The following IL7R variants were observed in gnomAD, a reference collection of about 807,000 sequenced individuals.
IL7R encodes the protein interleukin-7 receptor subunit alpha.
Under a neutral mutation model 47.0 loss-of-function variants are expected in IL7R, and 38 were observed. That is an observed-to-expected ratio of 0.81 (90% CI 0.62 to 1.06). IL7R has a LOEUF of 1.06. IL7R is among the 50% of genes least tolerant of loss of function. The pLI, the probability that IL7R is intolerant of heterozygous loss-of-function variation, is 0.00. For missense variants in IL7R, 633 were observed against 534.8 expected (o/e 1.18, Z -1.81); for synonymous variants, 221 against 199.8 (o/e 1.11, Z -0.89).
rs1421336807 is a variant in IL7R at position 35,876,012 on chromosome 5, T to A, written c.906T>A (p.Ser302Arg). 3.7e-6 allele frequency: 6 copies of A among 1,613,704 alleles called. No homozygotes were observed. The highest frequency in any genetic ancestry group is 5.1e-6 in the Non-Finnish European group (6 of 1,180,034). Residue 302 changes from serine (S) to arginine (R), a missense_variant, in exon 8 of 8, where the codon AGT becomes AGA. Physicochemically the swap from Ser to Arg is moderately radical, Grantham distance 110 (BLOSUM62 -1). Coordinates refer to ENST00000303115, the MANE Select transcript of IL7R (RefSeq NM_002185.5). Reference sequence around the variant, plus strand: ...TAAATGTGAGTTTCAATCCTGAAAGTTTCCTGGACTGCCAGATTCATAGGG... The same window carrying A: ...TAAATGTGAGTTTCAATCCTGAAAGATTCCTGGACTGCCAGATTCATAGGG... Reference protein sequence around the residue: ...KNLNVSFNPESFLDCQIHRVD... With the variant: ...KNLNVSFNPERFLDCQIHRVD...
At chr5:35,875,723 C>A in intron 7 of IL7R, 136 bp downstream of exon 7, 1 of 811,748 alleles carries the variant, frequency 1.2e-6, no homozygotes, top group Non-Finnish European at 2.1e-6. Context: ...CCTCCTAAGA[C>A]CCTAGCTGCA....
At position 35,873,211 on chromosome 5, in the gene IL7R, G is replaced by A. The variant is rs149279859; in HGVS notation, c.538-269G>A. ...GAAGAAGATATTGAAGTGTGGAAAG[G>A]GAGATCCTGGGCAGTGCCTAACTCA... On this transcript the variant is annotated intron_variant, in intron 4 of 7. Transcript: ENST00000303115. The A allele has an allele frequency of 2.9e-4, 141 of 488,708 alleles. 1 individual carries two copies. The East Asian group carries it at 5.0e-3, about 17-fold the overall frequency. 30.3% of individuals were successfully genotyped at this position (488,708 alleles called of 1,614,324 possible).
At chr5:35,857,516 A>G (rs564107612) in intron 1 of IL7R, among the ~76,000 whole-genome samples, 1 of 152,202 alleles carries the variant, frequency 6.6e-6, no homozygotes, top group Non-Finnish European at 1.5e-5. Context: ...GACCAGTGCT[A>G]TATCCTCAGC....
chr5:35,867,743 T>C, intron 3 of IL7R: 1 of 598,116 alleles, frequency 1.7e-6, no homozygotes. Context: ...CTGTCATCCA[T>C]CACAGGTGTC....
chr5:35,860,995 G>A lies in IL7R; in HGVS notation c.221+5G>A. 4 of 1,613,230 alleles carry A rather than the reference G, an allele frequency of 2.5e-6. No homozygotes were observed. The highest frequency in any genetic ancestry group is 3.4e-6 in the Non-Finnish European group (4 of 1,179,296). Reference sequence around the variant, plus strand: ...CAATCTGGAATTTGAAATATGGTGAGGGATGGTGGTTTTAATGGTTGCTTA... The same window carrying A: ...CAATCTGGAATTTGAAATATGGTGAAGGATGGTGGTTTTAATGGTTGCTTA... On this transcript the variant is annotated splice_donor_5th_base_variant and intron_variant, in intron 2 of 7. Transcript: ENST00000303115.
rs1420741889 is a variant in IL7R at position 35,868,033 on chromosome 5, G to A, written c.379+570G>A. ...GCAATCGCAAAAATCCATAAGGCAA[G>A]CCAGTAGGCTAGAAATTCAGGAAAG... is the stretch of plus-strand genomic sequence containing the variant. On this transcript the variant is annotated intron_variant, in intron 3 of 7. Coordinates refer to ENST00000303115, the MANE Select transcript of IL7R (RefSeq NM_002185.5). Among the ~76,000 whole-genome samples the A allele has an allele frequency of 3.3e-5, 5 of 152,262 alleles. No homozygotes were observed. In the South Asian group the frequency reaches 1.0e-3, roughly 32 times the overall value.
chr5:35,876,297 G>A lies in IL7R; in HGVS notation c.1191G>A (p.Gly397=), dbSNP rs1760214266. 2 of 1,613,840 alleles carry A rather than the reference G, an allele frequency of 1.2e-6. No individual in the cohort carries two copies. The highest frequency in any genetic ancestry group is 1.7e-6 in the Non-Finnish European group (2 of 1,179,928). ...ACTGCAGGGAGAGTGGCAAGAATGG[G>A]CCTCATGTGTACCAGGACCTCCTGC... ...SLDCRESGKN[G]PHVYQDLLLS... is the part of the protein sequence containing the mutation. The change falls in exon 8 of 8, where the codon GGG becomes GGA. Residue 397 remains glycine (G), a synonymous_variant. Transcript: ENST00000303115.
intron 2 of IL7R, among the ~76,000 whole-genome samples, chr5:35,862,902 C>G (rs1171407906): frequency 6.6e-6 from 1 of 152,056 alleles, no homozygotes; most frequent in Non-Finnish European, 1.5e-5. Context: ...GACCCCGCTC[C>G]CAGTCTCCCC....
chr5:35,871,083 G>A lies in IL7R; in HGVS notation c.407G>A (p.Ser136Asn), dbSNP rs201012821. The A allele has an allele frequency of 1.2e-6, 2 of 1,612,774 alleles. No homozygotes were observed. Among genetic ancestry groups the A allele is most frequent in the Non-Finnish European group, 1.7e-6 (2 of 1,178,940 alleles). Residue 136 changes from serine to asparagine, a missense_variant, in exon 4 of 8, where the codon AGT (serine) becomes AAT (asparagine). Transcript: ENST00000303115. ...AAACCTGAGGCTCCTTTTGACCTGA[G>A]TGTCGTCTATCGGGAAGGAGCCAAT... ...IVKPEAPFDLSVVYREGANDF... is the reference protein window; with the variant it reads ...IVKPEAPFDLNVVYREGANDF...
chr5:35,877,696 T>G lies in IL7R; in HGVS notation c.*1210T>G, dbSNP rs1025668042. ...TCAGGGAGAAAGAGTTACAAGTACA[T>G]GCAATGAGTGAACTGACTGTGGCTA... On this transcript the variant is annotated 3_prime_UTR_variant, in exon 8 of 8. Transcript: ENST00000303115. The G allele has an allele frequency of 6.4e-5, 15 of 233,170 alleles. No individual in the cohort carries two copies. The highest frequency in any genetic ancestry group is 1.0e-4 in the Non-Finnish European group (12 of 118,050). The allele number at this position is 233,170 out of a possible 1,614,324, so 14.4% of individuals were successfully genotyped here. A position where few individuals can be genotyped will look rare whatever the true frequency, so the allele number is the denominator to read the frequency against.
At chr5:35,866,665 A>C (rs1250569029) in intron 2 of IL7R, among the ~76,000 whole-genome samples, 1 of 152,152 alleles carries the variant, frequency 6.6e-6, no homozygotes, top group Non-Finnish European at 1.5e-5. Context: ...CATTACATCT[A>C]AGTTATTATA....
In IL7R at chr5:35,874,505, C is replaced by G. The variant is rs1342028323; in HGVS notation, c.763C>G (p.Leu255Val). 2.5e-6 allele frequency: 4 copies of G among 1,613,644 alleles called. No individual in the cohort carries two copies. The highest frequency in any genetic ancestry group is 2.5e-6 in the Non-Finnish European group (3 of 1,179,592). The change falls in exon 6 of 8, where the codon CTG (leucine) becomes GTG (valine). Residue 255 changes from leucine to valine, a missense_variant. Physicochemically the swap from Leu to Val is conservative, Grantham distance 32 (BLOSUM62 1). Coordinates refer to ENST00000303115, the MANE Select transcript of IL7R (RefSeq NM_002185.5). ...CATTTTGAGTTTTTTCTCTGTCGCT[C>G]TGTTGGTCATCTTGGCCTGTGTGTT... ...ISILSFFSVALLVILACVLWK... is the reference protein window; with the variant it reads ...ISILSFFSVAVLVILACVLWK...
intron 4 of IL7R, among the ~76,000 whole-genome samples, chr5:35,872,088 T>A (rs11567754): frequency 0.13 from 19,965 of 152,186 alleles, 1,329 homozygotes; most frequent in East Asian, 0.14. Context: ...CTTTCATTAT[T>A]CATCTGAAAA....
Position 35,877,038 on chromosome 5 carries a change from G to A in IL7R, c.*552G>A, listed in dbSNP as rs148253481. Reference sequence around the variant, plus strand: ...CCAAGTTGTTCACACAGTGAAGGGAGGGGCCAAGATATGATGGCTGGGAGT... The same window carrying A: ...CCAAGTTGTTCACACAGTGAAGGGAAGGGCCAAGATATGATGGCTGGGAGT... On this transcript the variant is annotated 3_prime_UTR_variant, in exon 8 of 8. Coordinates refer to ENST00000303115, the MANE Select transcript of IL7R (RefSeq NM_002185.5). The A allele has an allele frequency of 4.8e-4, 115 of 238,916 alleles. No individual in the cohort carries two copies. In the East Asian group the frequency reaches 6.3e-3, roughly 13 times the overall value. The allele number at this position is 238,916 out of a possible 1,614,324, so 14.8% of individuals were successfully genotyped here.
chr5:35,862,077 A>G (rs561483021), intron 2 of IL7R, among the ~76,000 whole-genome samples: 9 of 152,220 alleles, frequency 5.9e-5, no homozygotes, highest in African/African-American at 1.9e-4. Flanking sequence ...CCTTAGATAA[A>G]CATGCTGTTG....
intron 1 of IL7R, among the ~76,000 whole-genome samples, chr5:35,860,181 A>T (rs544984008): frequency 2.0e-4 from 31 of 152,302 alleles, no homozygotes; most frequent in Admixed American, 1.1e-3. Context: ...CAACATTCAC[A>T]GGAAGTTTCA....
Position 35,863,179 on chromosome 5 carries a change from C to T in IL7R, c.221+2189C>T, listed in dbSNP as rs140219976. Among the ~76,000 whole-genome samples, 37 of 152,180 alleles carry T rather than the reference C, an allele frequency of 2.4e-4. No individual in the cohort carries two copies. In the East Asian group the frequency reaches 6.8e-3, roughly 28 times the overall value. ...AAAAGATAGCAGTTAACAAAAGTAACGATTTGGGAGAACAGTTTTAAGGAA... is the reference window on the plus strand; with the variant it reads ...AAAAGATAGCAGTTAACAAAAGTAATGATTTGGGAGAACAGTTTTAAGGAA... On this transcript the variant is annotated intron_variant, in intron 2 of 7. Coordinates refer to ENST00000303115, the MANE Select transcript of IL7R (RefSeq NM_002185.5).
chr5:35,878,606 G>C lies in IL7R; in HGVS notation c.*2120G>C. 1 of 232,834 alleles carries C rather than the reference G, an allele frequency of 4.3e-6. No homozygotes were observed. The highest frequency in any genetic ancestry group is 8.5e-6 in the Non-Finnish European group (1 of 117,816). 14.4% of individuals were successfully genotyped at this position (232,834 alleles called of 1,614,324 possible). On this transcript the variant is annotated 3_prime_UTR_variant, in exon 8 of 8. Coordinates refer to ENST00000303115, the MANE Select transcript of IL7R (RefSeq NM_002185.5). ...AGTGGGCAGGTGTTCTTTACCTTTT[G>C]TAGAAATGGGAGTCAAGTCTCAAAT...
chr5:35,877,509 A>G lies in IL7R; in HGVS notation c.*1023A>G, dbSNP rs1760247311. ...TCTCTTGCTGCTACCACCCAACTGCATCCGTCCATGATCTCAGAGGAAACT... is the reference window on the plus strand; with the variant it reads ...TCTCTTGCTGCTACCACCCAACTGCGTCCGTCCATGATCTCAGAGGAAACT... On this transcript the variant is annotated 3_prime_UTR_variant, in exon 8 of 8. Coordinates refer to ENST00000303115, the MANE Select transcript of IL7R (RefSeq NM_002185.5). 1 of 233,128 alleles carries G rather than the reference A, an allele frequency of 4.3e-6. No homozygotes were observed. Among genetic ancestry groups the G allele is most frequent in the Non-Finnish European group, 8.5e-6 (1 of 118,022 alleles). 14.4% of individuals were successfully genotyped at this position (233,128 alleles called of 1,614,324 possible). A position where few individuals can be genotyped will look rare whatever the true frequency, so the allele number is the denominator to read the frequency against.
Sources: allele counts gnomAD v4.1 joint callset (sites outside exome capture counted in the v4.1 genomes callset), GRCh38; gene constraint gnomAD v4.1.1; transcripts MANE v1.5; gene names NCBI Gene and HGNC (gene_info 2026-07-23, HGNC 2026-07-21).